Variants in ANKRD28 observed in about 807,000 individuals in gnomAD.
The protein encoded by ANKRD28 is ankyrin repeat domain 28, also known as serine/threonine-protein phosphatase 6 regulatory ankyrin repeat subunit A.
In ANKRD28, 44 loss-of-function variants were observed where a neutral mutation model predicts 126.5. That is an observed-to-expected ratio of 0.35 (90% CI 0.27 to 0.45). The LOEUF is 0.45. Among genes scored for constraint, ANKRD28 ranks in the 20% least tolerant of loss-of-function variants. The probability of loss-of-function intolerance (pLI) is 1.00; values close to 1 mark genes in which losing one functional copy is unlikely to be tolerated. For missense variants in ANKRD28, 1,110 were observed against 1,316.6 expected, an observed-to-expected ratio of 0.84 and a Z score of 2.43; for synonymous variants, 442 against 468.5, an observed-to-expected ratio of 0.94 and a Z score of 0.73.
rs757695918 is a variant in ANKRD28 at position 15,670,500 on chromosome 3, G to A, written c.3022C>T (p.Leu1008Phe). 6 of 1,613,962 alleles carry A rather than the reference G, an allele frequency of 3.7e-6. No homozygotes were observed. The East Asian group carries it at 8.9e-5, about 24-fold the overall frequency. Reference sequence around the variant, plus strand: ...ACAGGCATCATGGTGGCCAAAATGAGAGCCAGGCAATCAGCCACATCCTTA... The same window carrying A: ...ACAGGCATCATGGTGGCCAAAATGAAAGCCAGGCAATCAGCCACATCCTTA... Reference protein sequence around the residue: ...PNKDVADCLALILATMMPVSS... With the variant: ...PNKDVADCLAFILATMMPVSS... Residue 1008 changes from leucine to phenylalanine, a missense_variant, in exon 28 of 28, where the codon CTC (leucine) becomes TTC (phenylalanine). Physicochemically the swap from Leu to Phe is conservative, Grantham distance 22 (BLOSUM62 0). Coordinates refer to ENST00000683139, the MANE Select transcript of ANKRD28 (RefSeq NM_001349278.2).
exon 1 of ANKRD28, chr3:15,859,432 T>G (rs752364757): frequency 2.0e-6 from 3 of 1,503,072 alleles, no homozygotes; most frequent in East Asian, 5.3e-5. Context: ...CACTCCAGCC[T>G]CCTCCTCCTC....
Position 15,811,477 on chromosome 3 carries a change from T to C in ANKRD28, c.28-16171A>G, listed in dbSNP as rs567670811. Among the ~76,000 whole-genome samples, 7 of 152,286 alleles carry C rather than the reference T, an allele frequency of 4.6e-5. No homozygotes were observed. The South Asian group carries it at 1.2e-3, about 27-fold the overall frequency. On this transcript the variant is annotated intron_variant, in intron 1 of 27. Coordinates refer to the ANKRD28 transcript ENST00000399451. ...GGGACAATTTTTCTTTATTTTGAGA[T>C]AGAGTCTTGCTCTGTTGCCCAGGCT...
intron 8 of ANKRD28, among the ~76,000 whole-genome samples, chr3:15,716,155 G>GT (rs1459060160): frequency 6.6e-6 from 1 of 151,070 alleles, no homozygotes; most frequent in African/African-American, 2.4e-5. Flanking sequence ...GCTAATTTTT[G>GT]TATTTTAGTA....
rs1490626450 is a variant in ANKRD28, at chr3:15,712,217, C to T, written c.1196G>A (p.Gly399Asp). 6.3e-7 allele frequency: 1 copy of T among 1,577,132 alleles called. No individual in the cohort carries two copies. Among genetic ancestry groups the T allele is most frequent in the Non-Finnish European group, 8.6e-7 (1 of 1,160,532 alleles). The change falls in exon 11 of 28, where the codon GGC becomes GAC. Residue 399 changes from glycine (G) to aspartate (D), a missense_variant. Coordinates refer to ENST00000683139, the MANE Select transcript of ANKRD28 (RefSeq NM_001349278.2). Reference sequence around the variant, plus strand: ...ATGGAGGGGGAACATTCCATGTATGCCACGCCTAAAGTTAATAGAACAGGA... The same window carrying T: ...ATGGAGGGGGAACATTCCATGTATGTCACGCCTAAAGTTAATAGAACAGGA... ...ITSGADTAKR[G>D]IHGMFPLHLA...
intron 4 of ANKRD28, among the ~76,000 whole-genome samples, chr3:15,740,458 A>G: frequency 6.6e-6 from 1 of 152,274 alleles, no homozygotes; most frequent in East Asian, 1.9e-4. Context: ...AACACTATCA[A>G]GATTCCTGAT....
chr3:15,670,632 G>A, intron 27 of ANKRD28, 76 bp from the exon 28 acceptor site: 1 of 1,402,902 alleles, frequency 7.1e-7, no homozygotes, highest in South Asian at 1.4e-5. Flanking sequence ...TAAGCCTAAA[G>A]TACTTCAACT....
At chr3:15,798,099 T>C, upstream of ANKRD28, 3 of 985,368 alleles carry the variant, frequency 3.0e-6, no homozygotes, top group Non-Finnish European at 3.6e-6. Flanking sequence ...ACTAAAAAAT[T>C]CTATAACTGA....
At chr3:15,847,799 C>T (rs1421929225) in intron 1 of ANKRD28, among the ~76,000 whole-genome samples, 1 of 152,232 alleles carries the variant, frequency 6.6e-6, no homozygotes, top group Non-Finnish European at 1.5e-5. Context: ...GCTTCACCTT[C>T]AACACAAACC....
In ANKRD28 at chr3:15,695,930, G is replaced by C. The variant is rs968456857; in HGVS notation, c.1659+204C>G. ...ATGGGGTAATCAGTAGCCCTCTTCA[G>C]AGATCTAATTTTCTCCTTTTTTAAA... On this transcript the variant is annotated intron_variant, in intron 15 of 27. Coordinates refer to ENST00000683139, the MANE Select transcript of ANKRD28 (RefSeq NM_001349278.2). 1.3e-5 allele frequency among the ~76,000 whole-genome samples: 2 copies of C among 152,164 alleles called. 1 individual carries two copies. The highest frequency in any genetic ancestry group is 1.3e-4 in the Admixed American group (2 of 15,264).
chr3:15,691,216 T>G (rs890649762), intron 17 of ANKRD28, among the ~76,000 whole-genome samples: 1 of 151,344 alleles, frequency 6.6e-6, no homozygotes, highest in Admixed American at 6.6e-5. Context: ...TCCGCCTCCC[T>G]GGGTTCAAGC....
At chr3:15,855,572 A>T (rs2061748570) in intron 1 of ANKRD28, among the ~76,000 whole-genome samples, 1 of 152,256 alleles carries the variant, frequency 6.6e-6, no homozygotes, top group Non-Finnish European at 1.5e-5. Flanking sequence ...ACCTGAGTAC[A>T]GGAACTTCTT....
chr3:15,743,545 AAC>A (rs4036221), intron 4 of ANKRD28, among the ~76,000 whole-genome samples: 26,987 of 140,178 alleles, frequency 0.19, 2,412 homozygotes, highest in East Asian at 0.32. Flanking sequence ...GTGGCTTTTT[AAC>A]ACACACACAC....
intron 7 of ANKRD28, among the ~76,000 whole-genome samples, chr3:15,722,429 C>T (rs1246962958): frequency 2.0e-5 from 3 of 152,182 alleles, no homozygotes; most frequent in Non-Finnish European, 4.4e-5. Context: ...CTTTAGAATA[C>T]TCCTGCACTC....
intron 2 of ANKRD28, 98 bp downstream of exon 2, chr3:15,795,125 C>T: frequency 1.2e-6 from 1 of 848,182 alleles, no homozygotes; most frequent in Non-Finnish European, 1.9e-6. Flanking sequence ...ACAACTGTTA[C>T]AGAGTTATAT....
At chr3:15,779,125 C>T (rs1239186957) in intron 2 of ANKRD28, among the ~76,000 whole-genome samples, 4 of 152,252 alleles carry the variant, frequency 2.6e-5, no homozygotes, top group Non-Finnish European at 4.4e-5. Context: ...TCATACAATA[C>T]CCTATCATGC....
chr3:15,701,266 T>C (rs1268630747), intron 14 of ANKRD28, among the ~76,000 whole-genome samples: 2 of 152,218 alleles, frequency 1.3e-5, no homozygotes. Flanking sequence ...TGTAATATCT[T>C]CAATGGCAGC....
intron 17 of ANKRD28, among the ~76,000 whole-genome samples, chr3:15,692,361 G>C (rs1391274206): frequency 1.3e-5 from 2 of 152,002 alleles, no homozygotes; most frequent in African/African-American, 4.8e-5. Flanking sequence ...AGGGAGGGAG[G>C]CTCACTGGAG....
chr3:15,802,347 C>T (rs1271244935), upstream of ANKRD28, among the ~76,000 whole-genome samples: 3 of 152,142 alleles, frequency 2.0e-5, no homozygotes, highest in Non-Finnish European at 1.5e-5. Flanking sequence ...AACTGCCATA[C>T]AAGCCTTGGA....
At position 15,723,408 on chromosome 3, in the gene ANKRD28, T is replaced by A. The variant is rs550726268; in HGVS notation, c.783+974A>T. 2.0e-5 allele frequency among the ~76,000 whole-genome samples: 3 copies of A among 152,366 alleles called. No homozygotes were observed. The East Asian group carries it at 5.8e-4, about 29-fold the overall frequency. ...GATCCTTATGCTACATCTTCTAATT[T>A]ACTGTTTTATTAAAGAACCAATGAG... is the stretch of plus-strand genomic sequence containing the variant. On this transcript the variant is annotated intron_variant, in intron 7 of 27. Coordinates refer to ENST00000683139, the MANE Select transcript of ANKRD28 (RefSeq NM_001349278.2).
Sources: allele counts gnomAD v4.1 joint callset (sites outside exome capture counted in the v4.1 genomes callset), GRCh38; gene constraint gnomAD v4.1.1; transcripts MANE v1.5; gene names NCBI Gene and HGNC (gene_info 2026-07-23, HGNC 2026-07-21).